The following IL20RA variants were observed in gnomAD, a reference collection of about 807,000 sequenced individuals.
The protein encoded by IL20RA is interleukin 20 receptor subunit alpha.
A neutral mutation model predicts 36.5 loss-of-function variants in IL20RA; 29 were observed. That is an observed-to-expected ratio of 0.79 (90% CI 0.59 to 1.08). The LOEUF (loss-of-function observed/expected upper bound fraction) is 1.08. IL20RA is among the 50% of genes least tolerant of loss of function. The pLI, the probability that IL20RA is intolerant of heterozygous loss-of-function variation, is 0.00. For synonymous variants in IL20RA, 279 were observed against 267.1 expected (o/e 1.04, Z -0.43); for missense variants, 652 against 668.4 (o/e 0.98, Z 0.27).
intron 1 of IL20RA, chr6:137,042,729 G>A (rs1329433483): frequency 6.6e-6 from 1 of 152,048 alleles, no homozygotes. Flanking sequence ...GCACTGAGCT[G>A]TGAGACGAAA....
chr6:137,041,899 G>T (rs1776709657), intron 1 of IL20RA, among the ~76,000 whole-genome samples: 1 of 151,936 alleles, frequency 6.6e-6, no homozygotes, highest in Non-Finnish European at 1.5e-5. Flanking sequence ...GTGCCATGGT[G>T]GTTTGTTGCA....
In IL20RA at chr6:137,004,695, A is replaced by G. The variant is rs768405483; in HGVS notation, c.790T>C (p.Phe264Leu). 1 of 1,612,812 alleles carries G rather than the reference A, an allele frequency of 6.2e-7. No individual in the cohort carries two copies. Among genetic ancestry groups the G allele is most frequent in the South Asian group, 1.1e-5 (1 of 90,666 alleles). ...WYVLPVSITV[F>L]LFSVMGYSIY... ...GAATAGCCCATCACAGAAAAAAGAAACACGGTAATAGATACGGGCAAAACA... is the reference window on the plus strand; with the variant it reads ...GAATAGCCCATCACAGAAAAAAGAAGCACGGTAATAGATACGGGCAAAACA... The change falls in exon 6 of 7, where the codon TTT becomes CTT. Residue 264 changes from phenylalanine to leucine, a missense_variant. By Grantham distance (22) the Phe-to-Leu change is conservative. Coordinates refer to ENST00000316649, the MANE Select transcript of IL20RA (RefSeq NM_014432.4).
intron 5 of IL20RA, among the ~76,000 whole-genome samples, chr6:137,005,733 G>T (rs1223556599): frequency 6.6e-6 from 1 of 152,018 alleles, no homozygotes; most frequent in Admixed American, 6.5e-5. Context: ...TACCTATAAT[G>T]TGGGTGAGTC....
rs879555064 is a variant in IL20RA at position 137,000,200 on chromosome 6, C to T, written c.*1358G>A. ...GGATAATCACGAAAGGTCATGACCC[C>T]AGAATCCATCTCTCCTACCAGGGTT... On this transcript the variant is annotated 3_prime_UTR_variant, in exon 7 of 7. Coordinates refer to ENST00000316649, the MANE Select transcript of IL20RA (RefSeq NM_014432.4). 1.3e-5 allele frequency: 2 copies of T among 152,130 alleles called. No individual in the cohort carries two copies. The highest frequency in any genetic ancestry group is 2.9e-5 in the Non-Finnish European group (2 of 68,028). 9.4% of individuals were successfully genotyped at this position (152,130 alleles called of 1,614,324 possible).
chr6:137,011,154 G>A, intron 3 of IL20RA, 120 bp downstream of exon 3: 1 of 731,096 alleles, frequency 1.4e-6, no homozygotes. Flanking sequence ...TCAACCCACT[G>A]GTCCAGAATA....
rs1245763320 is a variant in IL20RA at position 137,008,853 on chromosome 6, T to C, written c.580-110A>G. 10 of 486,532 alleles carry C rather than the reference T, an allele frequency of 2.1e-5. No homozygotes were observed. The Admixed American group carries it at 3.9e-4, about 19-fold the overall frequency. The allele number at this position is 486,532 out of a possible 1,614,324, so 30.1% of individuals were successfully genotyped here. A position where few individuals can be genotyped will look rare whatever the true frequency, so the allele number is the denominator to read the frequency against. ...ACCAAGGCACCATTTAATTCTTTAC[T>C]ATCAGTATAAGCTTTTTTTTTTTTT... On this transcript the variant is annotated intron_variant, in intron 4 of 6. Transcript: ENST00000316649.
intron 1 of IL20RA, among the ~76,000 whole-genome samples, chr6:137,025,255 A>G (rs1388587636): frequency 6.6e-6 from 1 of 152,158 alleles, no homozygotes; most frequent in African/African-American, 2.4e-5. Flanking sequence ...TGATTAGGTC[A>G]TAAGGGCAGA....
In IL20RA at chr6:137,009,012, C is replaced by G. The variant is rs369224024; in HGVS notation, c.580-269G>C. 5.2e-3 allele frequency: 2,913 copies of G among 558,062 alleles called. 138 individuals carry two copies. The South Asian group carries it at 0.078, about 15-fold the overall frequency. The allele number at this position is 558,062 out of a possible 1,614,324, so 34.6% of individuals were successfully genotyped here. A position where few individuals can be genotyped will look rare whatever the true frequency, so the allele number is the denominator to read the frequency against. On this transcript the variant is annotated intron_variant, in intron 4 of 6. Coordinates refer to ENST00000316649, the MANE Select transcript of IL20RA (RefSeq NM_014432.4). ...TCTTATTCATTGTCCTGGGTCCTTG[C>G]TCACATTTTTTTCTTCTTCTCAGAG...
At position 137,002,073 on chromosome 6, in the gene IL20RA, T is replaced by C; in HGVS notation, c.1147A>G (p.Thr383Ala). The C allele has an allele frequency of 6.2e-7, 1 of 1,614,180 alleles. No individual in the cohort carries two copies. Among genetic ancestry groups the C allele is most frequent in the Non-Finnish European group, 8.5e-7 (1 of 1,180,034 alleles). Residue 383 changes from threonine to alanine, a missense_variant, in exon 7 of 7, where the codon ACC becomes GCC. Thr to Ala is a moderately conservative substitution (Grantham distance 58, BLOSUM62 0). Coordinates refer to ENST00000316649, the MANE Select transcript of IL20RA (RefSeq NM_014432.4). ...GTTCTGCTGAGGGACTCTTGCTGGG[T>C]GAGAGAAGTACCTTCCGTGTTTTCT... ...SEENTEGTSLTQQESLSRTIP... is the reference protein window; with the variant it reads ...SEENTEGTSLAQQESLSRTIP...
intron 1 of IL20RA, among the ~76,000 whole-genome samples, chr6:137,040,476 G>C (rs929807923): frequency 2.9e-4 from 44 of 152,214 alleles, no homozygotes; most frequent in African/African-American, 1.0e-3. Context: ...ATTAATTCCA[G>C]GCCTGGGGCA....
intron 1 of IL20RA, among the ~76,000 whole-genome samples, chr6:137,023,389 TC>T (rs771854338): frequency 1.3e-5 from 2 of 152,140 alleles, no homozygotes; most frequent in Non-Finnish European, 2.9e-5. Flanking sequence ...AGGAGCTAGA[TC>T]CCCCATCTCT....
intron 5 of IL20RA, among the ~76,000 whole-genome samples, chr6:137,006,108 C>T (rs1225469668): frequency 8.5e-5 from 13 of 152,094 alleles, no homozygotes; most frequent in African/African-American, 3.1e-4. Flanking sequence ...GGAGTGTGAC[C>T]GGAGCATTCT....
chr6:137,023,290 A>C (rs1051044056), intron 1 of IL20RA, among the ~76,000 whole-genome samples: 7 of 147,898 alleles, frequency 4.7e-5, no homozygotes, highest in Non-Finnish European at 9.0e-5. Context: ...GGGCCTATCC[A>C]AAAGGACAGT....
chr6:137,040,693 A>T (rs948432527), intron 1 of IL20RA, among the ~76,000 whole-genome samples: 3 of 152,230 alleles, frequency 2.0e-5, no homozygotes, highest in African/African-American at 7.2e-5. Flanking sequence ...GTCCATACTG[A>T]TATACTTAAC....
intron 4 of IL20RA, chr6:137,009,031 C>T: frequency 5.4e-6 from 3 of 558,218 alleles, no homozygotes; most frequent in Non-Finnish European, 6.3e-6. Flanking sequence ...TTTTCTTCTT[C>T]TCAGAGAAAG....
At chr6:137,016,782 T>C (rs1002291987) in intron 2 of IL20RA, among the ~76,000 whole-genome samples, 186 bp downstream of exon 2, 6 of 152,162 alleles carry the variant, frequency 3.9e-5, no homozygotes, top group African/African-American at 1.4e-4. Context: ...CCAATGCCTC[T>C]GTCTCCATGA....
Position 137,044,785 on chromosome 6 carries a change from G to A in IL20RA, c.-57C>T, listed in dbSNP as rs1056729839. ...CAGCAGACTGCTCAGTCCCACGCCC[G>A]CTGGGGCCAAGCGCGGCCGCGCGGC... On this transcript the variant is annotated 5_prime_UTR_variant, in exon 1 of 7. Transcript: ENST00000316649. 16 of 1,204,194 alleles carry A rather than the reference G, an allele frequency of 1.3e-5. No homozygotes were observed. The highest frequency in any genetic ancestry group is 1.6e-5 in the Non-Finnish European group (16 of 970,026). The allele number at this position is 1,204,194 out of a possible 1,614,324, so 74.6% of individuals were successfully genotyped here. A position where few individuals can be genotyped will look rare whatever the true frequency, so the allele number is the denominator to read the frequency against.
chr6:137,020,599 T>C (rs1193962593), intron 1 of IL20RA, among the ~76,000 whole-genome samples: 1 of 151,784 alleles, frequency 6.6e-6, no homozygotes, highest in East Asian at 1.9e-4. Context: ...ATGAAAAAAA[T>C]TAAAAACTAC....
intron 1 of IL20RA, among the ~76,000 whole-genome samples, chr6:137,034,648 G>A (rs993120169): frequency 6.6e-6 from 1 of 152,056 alleles, no homozygotes; most frequent in African/African-American, 2.4e-5. Context: ...ACTTAAGAGT[G>A]AGAACATGTG....
Sources: gnomAD v4.1 joint callset for allele counts (sites outside exome capture counted in the v4.1 genomes callset) on GRCh38, gnomAD v4.1.1 for gene constraint, MANE v1.5 for transcripts, NCBI Gene and HGNC (gene_info 2026-07-23, HGNC 2026-07-21) for gene names.